TMEM132B: variants seen among roughly 807,000 people sequenced by gnomAD.
TMEM132B encodes transmembrane protein 132B.
In TMEM132B, 18 loss-of-function variants were observed where a neutral mutation model predicts 90.8. That is an observed-to-expected ratio of 0.20 (90% confidence interval 0.14 to 0.29). The LOEUF (loss-of-function observed/expected upper bound fraction) is 0.29, where lower values mean the gene tolerates loss of function less well. TMEM132B is among the 10% of genes least tolerant of loss of function. The probability of loss-of-function intolerance (pLI) is 1.00; values close to 1 mark genes in which losing one functional copy is unlikely to be tolerated. For missense variants in TMEM132B, 1,096 were observed against 1,326.8 expected (o/e 0.83, Z 2.70); for synonymous variants, 504 against 523.3 (o/e 0.96, Z 0.50).
intron 5 of TMEM132B, among the ~76,000 whole-genome samples, chr12:125,634,989 A>G (rs945196766): frequency 2.0e-5 from 3 of 152,054 alleles, no homozygotes; most frequent in African/African-American, 7.2e-5. Flanking sequence ...CAGCACTAGG[A>G]CTTGCCTAGG....
chr12:125,325,613 C>G (rs138001155), intron 1 of TMEM132B, among the ~76,000 whole-genome samples: 2,131 of 151,732 alleles, frequency 0.014, 38 homozygotes, highest in African/African-American at 0.047. Context: ...CTGAAGTTGG[C>G]TCATTTTTAT....
chr12:125,510,234 C>T lies in TMEM132B; in HGVS notation c.1107-9205C>T, dbSNP rs182774442. On this transcript the variant is annotated intron_variant, in intron 3 of 8. Transcript: ENST00000682704. ...GAGAAATTGTCATGGGTTTGGCAGC[C>T]GAGAAAGTGGAGGTGCCTCAAGTGT... Among the ~76,000 whole-genome samples the T allele has an allele frequency of 9.2e-5, 14 of 152,036 alleles. No individual in the cohort carries two copies. The East Asian group carries it at 2.3e-3, about 25-fold the overall frequency.
intron 2 of TMEM132B, among the ~76,000 whole-genome samples, chr12:125,364,451 T>A (rs1365545981): frequency 6.6e-6 from 1 of 152,184 alleles, no homozygotes; most frequent in Non-Finnish European, 1.5e-5. Flanking sequence ...CATCAATCCA[T>A]CTTATTTTCT....
intron 1 of TMEM132B, among the ~76,000 whole-genome samples, chr12:125,331,209 G>A (rs1030830558): frequency 6.6e-6 from 1 of 152,250 alleles, no homozygotes; most frequent in African/African-American, 2.4e-5. Context: ...GGGCTCCCGG[G>A]TCGGTCCCCT....
In TMEM132B at chr12:125,556,277, G is replaced by A. The variant is rs540919311; in HGVS notation, c.1294-27574G>A. 1.2e-4 allele frequency among the ~76,000 whole-genome samples: 18 copies of A among 152,270 alleles called. 1 individual carries two copies. Among genetic ancestry groups the A allele is most frequent in the Admixed American group, 2.0e-4 (3 of 15,278 alleles). On this transcript the variant is annotated intron_variant, in intron 4 of 8. Transcript: ENST00000682704. ...GTTCTTTCGTTATCCTGACCTGAACGTCACAAAGCCTGTAACTAGTATATA... is the reference window on the plus strand; with the variant it reads ...GTTCTTTCGTTATCCTGACCTGAACATCACAAAGCCTGTAACTAGTATATA...
At chr12:125,600,300 A>G (rs1315898845) in intron 5 of TMEM132B, among the ~76,000 whole-genome samples, 1 of 152,018 alleles carries the variant, frequency 6.6e-6, no homozygotes, top group Non-Finnish European at 1.5e-5. Flanking sequence ...ATCATCATCC[A>G]TCACAAGTCC....
chr12:125,323,416 A>C (rs1220524184), intron 1 of TMEM132B, among the ~76,000 whole-genome samples: 1 of 149,564 alleles, frequency 6.7e-6, no homozygotes, highest in African/African-American at 2.5e-5. Flanking sequence ...AACCTGGGCA[A>C]CAAAGCGAGA....
In TMEM132B at chr12:125,251,441, A is replaced by G. The variant is rs1874314647; in HGVS notation, c.67+64575A>G. Among the ~76,000 whole-genome samples the G allele has an allele frequency of 6.6e-6, 1 of 152,198 alleles. No homozygotes were observed. The highest frequency in any genetic ancestry group is 6.5e-5 in the Admixed American group (1 of 15,282). On this transcript the variant is annotated intron_variant, in intron 1 of 8. Coordinates refer to ENST00000682704, the MANE Select transcript of TMEM132B (RefSeq NM_001366854.1). The surrounding 1 kb of genome is among the most constrained non-coding windows in gnomAD (Gnocchi z 4.4). ...AGCTATATGAGCCTTTAAACCAGGG[A>G]TTGCAAACTGAAATACCTGCAGGGC...
chr12:125,468,217 T>G (rs749313672), intron 3 of TMEM132B, among the ~76,000 whole-genome samples: 1 of 151,782 alleles, frequency 6.6e-6, no homozygotes, highest in Non-Finnish European at 1.5e-5. Context: ...CCATTTTACA[T>G]TTCCACCAGC....
At chr12:125,339,028 C>T (rs1168204841) in intron 1 of TMEM132B, among the ~76,000 whole-genome samples, 2 of 152,154 alleles carry the variant, frequency 1.3e-5, no homozygotes, top group Admixed American at 1.3e-4. Flanking sequence ...AAGGCATCCA[C>T]ACTCTCAATG....
chr12:125,646,909 A>AT (rs1383359814), intron 6 of TMEM132B, among the ~76,000 whole-genome samples: 6 of 152,338 alleles, frequency 3.9e-5, no homozygotes, highest in South Asian at 2.1e-4. Context: ...TCTGACAAGG[A>AT]TTTTAAAGCA....
chr12:125,326,723 C>T (rs1334048355), intron 1 of TMEM132B: 1 of 1,571,704 alleles, frequency 6.4e-7, no homozygotes, highest in Non-Finnish European at 8.6e-7. Flanking sequence ...GGGATGGGAC[C>T]AGACCCAAGG....
intron 2 of TMEM132B, among the ~76,000 whole-genome samples, chr12:125,397,008 G>A (rs1879186931): frequency 6.6e-6 from 1 of 150,804 alleles, no homozygotes; most frequent in African/African-American, 2.5e-5. Context: ...GCCTTGATCT[G>A]TTGCCCAGGC....
intron 1 of TMEM132B, among the ~76,000 whole-genome samples, chr12:125,319,441 T>G (rs4144457): frequency 0.49 from 74,303 of 152,062 alleles, 18,277 homozygotes; most frequent in South Asian, 0.61. Context: ...GAGGACTGGT[T>G]GGTTTTGAGC....
chr12:125,473,915 G>A (rs1881787420), intron 3 of TMEM132B, among the ~76,000 whole-genome samples: 1 of 151,442 alleles, frequency 6.6e-6, no homozygotes. Context: ...CTTTTTGTTA[G>A]CTTCAAGAAA....
intron 1 of TMEM132B, among the ~76,000 whole-genome samples, chr12:125,289,200 G>A (rs1206671385): frequency 2.0e-5 from 3 of 152,088 alleles, no homozygotes; most frequent in Admixed American, 6.6e-5. Flanking sequence ...CTCTGCCAAA[G>A]GAATCTGAAG....
intron 3 of TMEM132B, among the ~76,000 whole-genome samples, chr12:125,508,808 T>G (rs1882907445): frequency 6.7e-6 from 1 of 149,154 alleles, no homozygotes; most frequent in African/African-American, 2.5e-5. Context: ...AGACAGAGTC[T>G]CACTCTGTCG....
intron 4 of TMEM132B, among the ~76,000 whole-genome samples, chr12:125,567,656 G>A (rs994634765): frequency 2.6e-5 from 4 of 152,154 alleles, no homozygotes; most frequent in African/African-American, 9.7e-5. Flanking sequence ...GTGCTTCCTC[G>A]ACCATTTCTC....
Position 125,415,774 on chromosome 12 carries a change from G to C in TMEM132B, c.1106+97G>C. On this transcript the variant is annotated intron_variant, in intron 3 of 8. Coordinates refer to ENST00000682704, the MANE Select transcript of TMEM132B (RefSeq NM_001366854.1). This position sits in a 1 kb window ranked among gnomAD's most constrained non-coding sequence, Gnocchi z 5.3. Reference sequence around the variant, plus strand: ...ATAATGTGCGTGTGGATAAAGCGATGCCTCTGCGTTTAATGAGAAATGATT... The same window carrying C: ...ATAATGTGCGTGTGGATAAAGCGATCCCTCTGCGTTTAATGAGAAATGATT... 1 of 1,413,984 alleles carries C rather than the reference G, an allele frequency of 7.1e-7. No individual in the cohort carries two copies. Among genetic ancestry groups the C allele is most frequent in the African/African-American group, 1.4e-5 (1 of 69,330 alleles). The allele number at this position is 1,413,984 out of a possible 1,614,324, so 87.6% of individuals were successfully genotyped here.
Sources: gnomAD v4.1 joint callset for allele counts (sites outside exome capture counted in the v4.1 genomes callset) on GRCh38, gnomAD v4.1.1 for gene constraint, Gnocchi (gnomAD v3.1) non-coding constraint, MANE v1.5 for transcripts, NCBI Gene and HGNC (gene_info 2026-07-23, HGNC 2026-07-21) for gene names.